ENOPH1: variants seen among roughly 807,000 people sequenced by gnomAD.
The protein encoded by ENOPH1 is enolase-phosphatase 1.
In ENOPH1, 14 loss-of-function variants were observed where a neutral mutation model predicts 31.1. The ratio of observed to expected loss-of-function variants is 0.45; its 90% CI spans 0.30 to 0.70. The LOEUF (loss-of-function observed/expected upper bound fraction) is 0.70, where lower values mean the gene tolerates loss of function less well. Ranked by LOEUF, ENOPH1 falls within the 30% of genes least tolerant of loss-of-function variation. ENOPH1 has a pLI of 0.09. For missense variants in ENOPH1, 243 were observed against 321.5 expected (o/e 0.76, Z 1.87); for synonymous variants, 127 against 123.2 (o/e 1.03, Z -0.21).
intron 4 of ENOPH1, 133 bp from the exon 5 acceptor site, chr4:82,456,782 G>C: frequency 1.8e-6 from 2 of 1,113,856 alleles, no homozygotes; most frequent in Non-Finnish European, 2.5e-6. Context: ...CCTCCATAAA[G>C]TTCCCTATTA....
chr4:82,447,371 T>A (rs184990379), intron 1 of ENOPH1, among the ~76,000 whole-genome samples: 21 of 152,356 alleles, frequency 1.4e-4, no homozygotes, highest in Admixed American at 7.8e-4. Context: ...TGTTTTTTTT[T>A]AAATACTTGT....
intron 2 of ENOPH1, among the ~76,000 whole-genome samples, chr4:82,449,234 C>T (rs1012664408): frequency 2.0e-5 from 3 of 152,084 alleles, no homozygotes; most frequent in East Asian, 3.9e-4. Context: ...AGCAAGACTC[C>T]GTCTCAAAAA....
chr4:82,459,140 C>T (rs1004725631), intron 5 of ENOPH1, among the ~76,000 whole-genome samples: 21 of 152,124 alleles, frequency 1.4e-4, no homozygotes, highest in African/African-American at 4.6e-4. Flanking sequence ...TCCTAGTAAG[C>T]GCCATCTCTC....
intron 1 of ENOPH1, among the ~76,000 whole-genome samples, chr4:82,444,727 A>G (rs191302395): frequency 3.3e-5 from 5 of 152,308 alleles, no homozygotes; most frequent in Admixed American, 3.3e-4. Flanking sequence ...GAATTTAATC[A>G]TATTCCCCTA....
intron 4 of ENOPH1, 42 bp from the exon 5 acceptor site, chr4:82,456,873 A>C: frequency 2.5e-6 from 4 of 1,605,520 alleles, no homozygotes; most frequent in Non-Finnish European, 3.4e-6. Context: ...GGGGCATGCA[A>C]GTGTATTTGT....
Position 82,448,156 on chromosome 4 carries a change from G to GT in ENOPH1, c.186+137dup, listed in dbSNP as rs138311256. On this transcript the variant is annotated intron_variant, in intron 2 of 5. Coordinates refer to ENST00000273920, the MANE Select transcript of ENOPH1 (RefSeq NM_021204.5). ...GATAGAAGTTGCAGTGACTTAGTGAGTTGCCTGCTTAGGAATTCACAGTAC... is the reference window on the plus strand; with the variant it reads ...GATAGAAGTTGCAGTGACTTAGTGAGTTTGCCTGCTTAGGAATTCACAGTAC... The GT allele has an allele frequency of 1.2e-3, 640 of 521,244 alleles. 2 individuals are homozygous for GT. Among genetic ancestry groups the GT allele is most frequent in the Non-Finnish European group, 1.9e-3 (551 of 291,308 alleles). The allele number at this position is 521,244 out of a possible 1,614,324, so 32.3% of individuals were successfully genotyped here. A position where few individuals can be genotyped will look rare whatever the true frequency, so the allele number is the denominator to read the frequency against.
At chr4:82,439,579 C>G (rs549625002) in intron 1 of ENOPH1, among the ~76,000 whole-genome samples, 20 of 152,252 alleles carry the variant, frequency 1.3e-4, no homozygotes, top group African/African-American at 4.6e-4. Context: ...ACTCTATAAA[C>G]TCAAAAAGAA....
At chr4:82,443,419 A>G (rs545632647) in intron 1 of ENOPH1, among the ~76,000 whole-genome samples, 132 of 150,504 alleles carry the variant, frequency 8.8e-4, no homozygotes, top group Admixed American at 3.0e-3. Flanking sequence ...CCAAAAAAAA[A>G]AGAAAGAAAT....
At position 82,454,730 on chromosome 4, in the gene ENOPH1, C is replaced by A; in HGVS notation, c.398C>A (p.Ala133Glu). 1 of 1,612,636 alleles carries A rather than the reference C, an allele frequency of 6.2e-7. No individual in the cohort carries two copies. Among genetic ancestry groups the A allele is most frequent in the South Asian group, 1.1e-5 (1 of 90,770 alleles). ...AGTGGTCTTCCCTCTAGGTTCTTTG[C>A]AGATGTAGTTCCAGCAGTCAGGAAG... Reference protein sequence around the residue: ...TAGRMKAEFFADVVPAVRKWR... With the variant: ...TAGRMKAEFFEDVVPAVRKWR... The change falls in exon 4 of 6, where the codon GCA (alanine) becomes GAA (glutamate). Residue 133 changes from alanine to glutamate, a missense_variant. Transcript: ENST00000273920.
At chr4:82,440,626 A>G (rs1226726800) in intron 1 of ENOPH1, among the ~76,000 whole-genome samples, 1 of 152,208 alleles carries the variant, frequency 6.6e-6, no homozygotes, top group Non-Finnish European at 1.5e-5. Flanking sequence ...TCTGGAACTC[A>G]TTGGAGATAC....
At chr4:82,436,579 C>G (rs1180622346) in intron 1 of ENOPH1, among the ~76,000 whole-genome samples, 1 of 151,326 alleles carries the variant, frequency 6.6e-6, no homozygotes, top group Admixed American at 6.6e-5. Context: ...CCCAGCTACT[C>G]AGGAGGCTGA....
chr4:82,446,964 C>T (rs1377679730), intron 1 of ENOPH1, among the ~76,000 whole-genome samples: 1 of 151,500 alleles, frequency 6.6e-6, no homozygotes. Flanking sequence ...CCTCGGCCTC[C>T]CAAAGTGCTG....
intron 1 of ENOPH1, among the ~76,000 whole-genome samples, chr4:82,439,177 G>C (rs908312462): frequency 5.3e-5 from 8 of 152,164 alleles, no homozygotes; most frequent in Admixed American, 2.0e-4. Flanking sequence ...GACAGAAAGG[G>C]GTTGTTTGCC....
At chr4:82,441,824 C>G (rs1415921343) in intron 1 of ENOPH1, among the ~76,000 whole-genome samples, 2 of 152,076 alleles carry the variant, frequency 1.3e-5, no homozygotes, top group Non-Finnish European at 2.9e-5. Flanking sequence ...CCAAAAAAGC[C>G]TAATGTATTA....
At position 82,432,880 on chromosome 4, in the gene ENOPH1, G is replaced by A. The variant is rs950350368; in HGVS notation, c.84+1967G>A. On this transcript the variant is annotated intron_variant, in intron 1 of 5. Coordinates refer to ENST00000273920, the MANE Select transcript of ENOPH1 (RefSeq NM_021204.5). Reference sequence around the variant, plus strand: ...CCGTGTCGGCCTCCCAAAGTGCTGGGATTATAGGCGCGAGCCACCGCGCCT... The same window carrying A: ...CCGTGTCGGCCTCCCAAAGTGCTGGAATTATAGGCGCGAGCCACCGCGCCT... Among the ~76,000 whole-genome samples the A allele has an allele frequency of 5.9e-5, 9 of 152,316 alleles. No homozygotes were observed. The South Asian group carries it at 1.0e-3, about 18-fold the overall frequency.
chr4:82,455,713 G>C (rs1258917404), intron 4 of ENOPH1, among the ~76,000 whole-genome samples: 1 of 151,986 alleles, frequency 6.6e-6, no homozygotes, highest in Non-Finnish European at 1.5e-5. Flanking sequence ...TTGAACCCAG[G>C]AGGCGGAGCT....
chr4:82,441,363 C>T (rs192866916), intron 1 of ENOPH1, among the ~76,000 whole-genome samples: 1 of 152,158 alleles, frequency 6.6e-6, no homozygotes, highest in African/African-American at 2.4e-5. Flanking sequence ...TGGCTCATGC[C>T]TGTAATCCCA....
At chr4:82,434,312 G>GGT in intron 1 of ENOPH1, among the ~76,000 whole-genome samples, 1 of 152,274 alleles carries the variant, frequency 6.6e-6, no homozygotes, top group East Asian at 1.9e-4. Context: ...AGCCAGGTAC[G>GGT]GTGGCTCAGG....
intron 1 of ENOPH1, among the ~76,000 whole-genome samples, chr4:82,434,799 G>A (rs1413846681): frequency 1.3e-5 from 2 of 151,990 alleles, no homozygotes; most frequent in African/African-American, 4.8e-5. Context: ...CCCAGCTACT[G>A]GGGAGGCTGA....
Sources: allele counts gnomAD v4.1 joint callset (sites outside exome capture counted in the v4.1 genomes callset), GRCh38; gene constraint gnomAD v4.1.1; transcripts MANE v1.5; gene names NCBI Gene and HGNC (gene_info 2026-07-23, HGNC 2026-07-21).